The following MAPK9 variants were observed in gnomAD, a reference collection of about 807,000 sequenced individuals.
The protein encoded by MAPK9 is Jun kinase.
A neutral mutation model predicts 57.1 loss-of-function variants in MAPK9; 30 were observed. The ratio of observed to expected loss-of-function variants is 0.53; its 90% CI spans 0.39 to 0.71. The LOEUF (loss-of-function observed/expected upper bound fraction) is 0.71, where lower values mean the gene tolerates loss of function less well. Among genes scored for constraint, MAPK9 ranks in the 30% least tolerant of loss-of-function variants. The pLI, the probability that MAPK9 is intolerant of heterozygous loss-of-function variation, is 0.00. For synonymous variants in MAPK9, 155 were observed against 177.0 expected (o/e 0.88, Z 0.99); for missense variants, 362 against 521.0 (o/e 0.69, Z 2.97).
rs746259385 is a variant in MAPK9 at position 180,264,832 on chromosome 5, C to T, written c.260G>A (p.Ser87Asn). Residue 87 changes from serine to asparagine, a missense_variant, in exon 4 of 12, where the codon AGT (serine) becomes AAT (asparagine). Around this residue, in one of 3 missense-constraint regions of MAPK9, gnomAD observed 127 missense variants for 231.7 expected, o/e 0.55. Transcript: ENST00000452135. ...LKCVNHKNII[S>N]LLNVFTPQKT... ...TTGTGGTGTAAACACATTTAACAAACTAATTATCTGAAAAGAGAAAATTAA... is the reference window on the plus strand; with the variant it reads ...TTGTGGTGTAAACACATTTAACAAATTAATTATCTGAAAAGAGAAAATTAA... 1.3e-6 allele frequency: 2 copies of T among 1,543,704 alleles called. No individual in the cohort carries two copies. Among genetic ancestry groups the T allele is most frequent in the Non-Finnish European group, 1.8e-6 (2 of 1,140,826 alleles).
intron 2 of MAPK9, among the ~76,000 whole-genome samples, chr5:180,272,520 C>T (rs1761432777): frequency 6.6e-6 from 1 of 152,206 alleles, no homozygotes. Context: ...CTCCTGTCCA[C>T]CAGTGATAAC....
intron 7 of MAPK9, among the ~76,000 whole-genome samples, chr5:180,244,278 A>T (rs141101446): frequency 6.6e-6 from 1 of 152,214 alleles, no homozygotes; most frequent in Non-Finnish European, 1.5e-5. Context: ...AAGCCTGCTC[A>T]GCTCTAGACC....
chr5:180,271,036 TGA>T (rs142137518), intron 2 of MAPK9, among the ~76,000 whole-genome samples: 1,667 of 152,274 alleles, frequency 0.011, 26 homozygotes, highest in African/African-American at 0.038. Context: ...TGAAAATTGA[TGA>T]GAGTAGATTT....
rs771066270 is a variant in MAPK9, at chr5:180,247,367, G to C, written c.688+72C>G. ...TACGACTTTGTCCTCGTGAGCGCTC[G>C]TGTAAGCAGGTGGTCATGCTGCCTG... On this transcript the variant is annotated intron_variant, in intron 7 of 11. Transcript: ENST00000452135. This position sits in a 1 kb window ranked among gnomAD's most constrained non-coding sequence, Gnocchi z 4.5. The C allele has an allele frequency of 6.4e-7, 1 of 1,571,492 alleles. No homozygotes were observed. The highest frequency in any genetic ancestry group is 1.1e-5 in the South Asian group (1 of 90,152).
At chr5:180,251,087 C>T (rs1758635075) in intron 5 of MAPK9, among the ~76,000 whole-genome samples, 2 of 152,150 alleles carry the variant, frequency 1.3e-5, no homozygotes, top group African/African-American at 4.8e-5. Flanking sequence ...AAATGAATGC[C>T]CATTTTTAGT....
chr5:180,268,511 C>T (rs1760910622), intron 3 of MAPK9, among the ~76,000 whole-genome samples: 2 of 152,172 alleles, frequency 1.3e-5, no homozygotes, highest in African/African-American at 4.8e-5. Flanking sequence ...CTCTTTCTAG[C>T]TTTGATTTCC....
chr5:180,257,933 A>G (rs1311411667), intron 5 of MAPK9: 1 of 167,828 alleles, frequency 6.0e-6, no homozygotes, highest in Non-Finnish European at 1.3e-5. Context: ...CATTCTGGAC[A>G]CAAACTACAT....
At chr5:180,280,689 G>T (rs1762247967) in intron 1 of MAPK9, 81 bp from the exon 2 acceptor site, 3 of 1,117,732 alleles carry the variant, frequency 2.7e-6, no homozygotes, top group Admixed American at 3.0e-5. Flanking sequence ...GAACTTATTG[G>T]TATGTAAGAC....
At chr5:180,242,799 T>A (rs1408405684) in intron 7 of MAPK9, 44 bp from the exon 8 acceptor site, 2 of 1,484,566 alleles carry the variant, frequency 1.3e-6, no homozygotes, top group Non-Finnish European at 1.9e-6. Flanking sequence ...TACCTTGTAT[T>A]CACAGTACAT....
At chr5:180,244,635 G>C (rs923840859) in intron 7 of MAPK9, among the ~76,000 whole-genome samples, 1 of 152,018 alleles carries the variant, frequency 6.6e-6, no homozygotes, top group Non-Finnish European at 1.5e-5. Flanking sequence ...TTAGCCAGGC[G>C]TGGTGGCGGG....
chr5:180,278,231 TAAC>T lies in MAPK9; in HGVS notation c.122+2206_122+2208del, dbSNP rs1052455535. 2.4e-4 allele frequency among the ~76,000 whole-genome samples: 36 copies of T among 152,234 alleles called. 2 individuals are homozygous for T. On this transcript the variant is annotated intron_variant, in intron 2 of 11. Transcript: ENST00000452135. ...CTTGTTTTGGTCCCAGGCCTACCACTAACACCCCGTGAGACGGGAGAAGCAAGT... is the reference window on the plus strand; with the variant it reads ...CTTGTTTTGGTCCCAGGCCTACCACTACCCCGTGAGACGGGAGAAGCAAGT...
intron 3 of MAPK9, among the ~76,000 whole-genome samples, chr5:180,266,810 A>C (rs1760609235): frequency 6.6e-6 from 1 of 152,188 alleles, no homozygotes. Flanking sequence ...ATTTGTCAGT[A>C]TATTTTAAAC....
intron 5 of MAPK9, among the ~76,000 whole-genome samples, chr5:180,255,368 A>T (rs1011451607): frequency 3.2e-4 from 49 of 152,140 alleles, no homozygotes; most frequent in Non-Finnish European, 1.5e-5. Flanking sequence ...ACCAAGGGAG[A>T]TCCAGGACAG....
rs1427789520 is a variant in MAPK9 at position 180,271,655 on chromosome 5, CA to C, written c.123-2247del. On this transcript the variant is annotated intron_variant, in intron 2 of 11. Coordinates refer to ENST00000452135, the MANE Select transcript of MAPK9 (RefSeq NM_002752.5). Reference sequence around the variant, plus strand: ...TAGGATGTTTCTAGAAGTTGAAAATCAATACATGGAGTGTAGGTGTGTATGT... The same window carrying C: ...TAGGATGTTTCTAGAAGTTGAAAATCATACATGGAGTGTAGGTGTGTATGT... Among the ~76,000 whole-genome samples, 4 of 152,274 alleles carry C rather than the reference CA, an allele frequency of 2.6e-5. No homozygotes were observed. The South Asian group carries it at 8.3e-4, about 32-fold the overall frequency.
intron 2 of MAPK9, among the ~76,000 whole-genome samples, chr5:180,271,207 A>C (rs1212751592): frequency 6.6e-6 from 1 of 152,226 alleles, no homozygotes. Flanking sequence ...TTTGGCTAAA[A>C]CAAGGCAAAT....
Position 180,247,552 on chromosome 5 carries a change from A to C in MAPK9, c.617-42T>G. 1 of 1,553,640 alleles carries C rather than the reference A, an allele frequency of 6.4e-7. No homozygotes were observed. Among genetic ancestry groups the C allele is most frequent in the Non-Finnish European group, 8.9e-7 (1 of 1,128,172 alleles). ...ATGATAAAATTATGAAGTGCCATGA[A>C]CAAAACAAAAGTGAGGAAAAGGAAT... On this transcript the variant is annotated intron_variant, in intron 6 of 11. Transcript: ENST00000452135. This position sits in a 1 kb window ranked among gnomAD's most constrained non-coding sequence, Gnocchi z 4.5.
At chr5:180,240,232 GCAGACATCTGCC>G (rs1489467899) in intron 9 of MAPK9, among the ~76,000 whole-genome samples, 2 of 152,152 alleles carry the variant, frequency 1.3e-5, no homozygotes, top group Non-Finnish European at 2.9e-5. Flanking sequence ...ACCTCAAAAC[GCAGACATCTGCC>G]CAGATGTCAT....
chr5:180,277,943 A>T (rs539869362), intron 2 of MAPK9, among the ~76,000 whole-genome samples: 4 of 152,394 alleles, frequency 2.6e-5, no homozygotes, highest in Non-Finnish European at 5.9e-5. Context: ...CTATTAGAAC[A>T]TAAGATAGAA....
At chr5:180,276,866 A>G (rs1176501824) in intron 2 of MAPK9, among the ~76,000 whole-genome samples, 2 of 152,240 alleles carry the variant, frequency 1.3e-5, no homozygotes, top group Non-Finnish European at 2.9e-5. Flanking sequence ...ATAAAATAAA[A>G]TATTTTAAAA....
Sources: allele counts gnomAD v4.1 joint callset (sites outside exome capture counted in the v4.1 genomes callset), GRCh38; gene constraint gnomAD v4.1.1; regional missense constraint gnomAD v4.1.1; non-coding constraint Gnocchi (gnomAD v3.1); transcripts MANE v1.5; gene names NCBI Gene and HGNC (gene_info 2026-07-23, HGNC 2026-07-21).